The following FAF1 variants were observed in gnomAD, a reference collection of about 807,000 sequenced individuals.
FAF1 encodes Fas associated factor 1.
A neutral mutation model predicts 92.5 loss-of-function variants in FAF1; 25 were observed. The ratio of observed to expected loss-of-function variants is 0.27; its 90% CI spans 0.20 to 0.38. FAF1 has a LOEUF of 0.38. FAF1 is among the 10% of genes least tolerant of loss of function. The pLI is 1.00. For synonymous variants in FAF1, 234 were observed against 273.2 expected (o/e 0.86, Z 1.42); for missense variants, 636 against 793.3 (o/e 0.80, Z 2.38).
chr1:50,848,191 C>T (rs998313186), intron 2 of FAF1, among the ~76,000 whole-genome samples: 4 of 152,100 alleles, frequency 2.6e-5, no homozygotes, highest in African/African-American at 9.7e-5. Context: ...ATTAAATTAA[C>T]TTTCCCCCCA....
chr1:50,478,052 T>C, intron 17 of FAF1, among the ~76,000 whole-genome samples: 1 of 152,126 alleles, frequency 6.6e-6, no homozygotes, highest in East Asian at 1.9e-4. Flanking sequence ...TCCACATGTG[T>C]CCCTTAAAGG....
At chr1:50,474,720 G>T (rs977680300) in intron 18 of FAF1, among the ~76,000 whole-genome samples, 7 of 152,130 alleles carry the variant, frequency 4.6e-5, no homozygotes, top group Admixed American at 4.6e-4. Flanking sequence ...TTCATTTTGT[G>T]TAAGTTTCAG....
Position 50,535,456 on chromosome 1 carries a change from C to T in FAF1, c.1407G>A (p.Gly469=). The part of the protein sequence containing the change: ...SSNEVLNVIQ[G]NTTVDELMMR... ...TCATTAACTCATCTACTGTTGTGTT[C>T]CCTAAAAACATATAGAGATTGCCAA... The change falls in exon 15 of 19, where the codon GGG becomes GGA. Residue 469 remains glycine (G), a splice_region_variant and synonymous_variant. Transcript: ENST00000396153. The T allele has an allele frequency of 6.3e-7, 1 of 1,594,512 alleles. No homozygotes were observed. Among genetic ancestry groups the T allele is most frequent in the Non-Finnish European group, 8.6e-7 (1 of 1,164,608 alleles).
At chr1:50,831,146 A>G (rs1039300022) in intron 2 of FAF1, among the ~76,000 whole-genome samples, 2 of 151,914 alleles carry the variant, frequency 1.3e-5, no homozygotes, top group Admixed American at 6.5e-5. Context: ...TTTTTTTTTT[A>G]AAGTTCCTAA....
intron 12 of FAF1, among the ~76,000 whole-genome samples, chr1:50,567,894 C>T (rs532329504): frequency 2.6e-5 from 4 of 152,164 alleles, no homozygotes; most frequent in African/African-American, 7.2e-5. Context: ...TGTGGCTCTT[C>T]ATATAGAAAA....
intron 1 of FAF1, among the ~76,000 whole-genome samples, chr1:50,958,817 A>T (rs2124770885): frequency 6.6e-6 from 1 of 152,376 alleles, no homozygotes; most frequent in Non-Finnish European, 1.5e-5. Flanking sequence ...TGTGAGTATT[A>T]AAAAAGAGGG....
In FAF1 at chr1:50,444,567, C is replaced by T. The variant is rs547949544; in HGVS notation, c.1870-3044G>A. 3.3e-4 allele frequency among the ~76,000 whole-genome samples: 51 copies of T among 152,274 alleles called. 1 individual carries two copies. The highest frequency in any genetic ancestry group is 8.4e-4 in the African/African-American group (35 of 41,548). ...CTTTTTACAGACAGACAGCAGCTGC[C>T]GACGTGGCTACTACTGCTTCTCTTA... On this transcript the variant is annotated intron_variant, in intron 18 of 18. Transcript: ENST00000396153.
chr1:50,742,972 T>A (rs987881291), intron 5 of FAF1, among the ~76,000 whole-genome samples: 5 of 152,206 alleles, frequency 3.3e-5, no homozygotes, highest in Admixed American at 6.5e-5. Context: ...TGAAATTACA[T>A]AAAATTCAAA....
At chr1:50,642,483 T>C (rs1305146116) in intron 8 of FAF1, among the ~76,000 whole-genome samples, 1 of 151,694 alleles carries the variant, frequency 6.6e-6, no homozygotes, top group Admixed American at 6.6e-5. Flanking sequence ...ACCCCGTCTC[T>C]ACTAAAAATA....
At chr1:50,887,969 A>G (rs1644683889) in intron 1 of FAF1, among the ~76,000 whole-genome samples, 2 of 152,214 alleles carry the variant, frequency 1.3e-5, no homozygotes, top group Non-Finnish European at 2.9e-5. Context: ...TACCTTGGGC[A>G]GTATGGCCAT....
intron 15 of FAF1, among the ~76,000 whole-genome samples, chr1:50,528,912 TCTTC>T (rs1490841677): frequency 6.6e-6 from 1 of 152,232 alleles, no homozygotes; most frequent in East Asian, 1.9e-4. Context: ...ATACATTTCT[TCTTC>T]CTTAGGATTT....
chr1:50,579,538 C>T (rs1254876132), intron 12 of FAF1, among the ~76,000 whole-genome samples: 4 of 151,972 alleles, frequency 2.6e-5, no homozygotes, highest in African/African-American at 9.7e-5. Context: ...AACAACATGG[C>T]CATACAATGA....
At chr1:50,891,138 G>C (rs9701805) in intron 1 of FAF1, among the ~76,000 whole-genome samples, 17,911 of 151,958 alleles carry the variant, frequency 0.12, 1,272 homozygotes, top group African/African-American at 0.21. Context: ...ATTCTTTCTT[G>C]CAGTTGATGA....
intron 15 of FAF1, among the ~76,000 whole-genome samples, chr1:50,526,970 T>G (rs1647845596): frequency 6.6e-6 from 1 of 151,994 alleles, no homozygotes; most frequent in Admixed American, 6.6e-5. Context: ...TTCTCCTGCC[T>G]CAGCCTCCTA....
intron 7 of FAF1, among the ~76,000 whole-genome samples, chr1:50,688,591 T>A (rs1160092477): frequency 6.6e-6 from 1 of 152,170 alleles, no homozygotes. Flanking sequence ...GGTGGGTGGA[T>A]CACCTGAGGG....
intron 15 of FAF1, among the ~76,000 whole-genome samples, chr1:50,501,660 CAAAA>C (rs543026675): frequency 1.9e-5 from 2 of 106,234 alleles, no homozygotes; most frequent in Non-Finnish European, 3.8e-5. Context: ...GACTCCGTCT[CAAAA>C]AAAAAAAAAA....
intron 18 of FAF1, among the ~76,000 whole-genome samples, chr1:50,473,653 T>C (rs1219066959): frequency 6.6e-6 from 1 of 152,188 alleles, no homozygotes; most frequent in East Asian, 1.9e-4. Flanking sequence ...TGTGTTCCCT[T>C]GTGCATGTTT....
chr1:50,724,300 C>CACACACACACAT (rs1158378463), intron 6 of FAF1, among the ~76,000 whole-genome samples: 1,402 of 131,564 alleles, frequency 0.011, 27 homozygotes, highest in African/African-American at 0.04. Flanking sequence ...CACACATACA[C>CACACACACACAT]ACACACACAC....
At position 50,552,023 on chromosome 1, in the gene FAF1, G is replaced by A. The variant is rs185196665; in HGVS notation, c.1269-12295C>T. Among the ~76,000 whole-genome samples, 360 of 152,196 alleles carry A rather than the reference G, an allele frequency of 2.4e-3. 1 individual carries two copies. The highest frequency in any genetic ancestry group is 8.4e-3 in the African/African-American group (349 of 41,538). On this transcript the variant is annotated intron_variant, in intron 13 of 18. Transcript: ENST00000396153. ...GGTACGAAAACTGCAGGCCAGGTGC[G>A]GTGGCTCATGCTCATAATCCCAGCA... is the stretch of plus-strand genomic sequence containing the variant.
Sources: allele counts gnomAD v4.1 joint callset (sites outside exome capture counted in the v4.1 genomes callset), GRCh38; gene constraint gnomAD v4.1.1; transcripts MANE v1.5; gene names NCBI Gene and HGNC (gene_info 2026-07-23, HGNC 2026-07-21).